RPS6KC1: variants seen among roughly 807,000 people sequenced by gnomAD.
The protein encoded by RPS6KC1 is inactive ribosomal protein S6 kinase delta-1.
A neutral mutation model predicts 103.8 loss-of-function variants in RPS6KC1; 54 were observed. That is an observed-to-expected ratio of 0.52 (90% CI 0.42 to 0.65). RPS6KC1 has a LOEUF of 0.65. Ranked by LOEUF, RPS6KC1 falls within the 30% of genes least tolerant of loss-of-function variation. The pLI, the probability that RPS6KC1 is intolerant of heterozygous loss-of-function variation, is 0.00. For synonymous variants in RPS6KC1, 439 were observed against 438.7 expected (o/e 1.00, Z -0.01); for missense variants, 1,151 against 1,253.8 (o/e 0.92, Z 1.24).
intron 6 of RPS6KC1, among the ~76,000 whole-genome samples, chr1:213,151,781 T>C (rs1487105443): frequency 5.3e-5 from 6 of 112,770 alleles, no homozygotes; most frequent in Non-Finnish European, 1.1e-4. Flanking sequence ...GGCGGGGGGC[T>C]GACCCCCCCC....
chr1:213,715,854 A>G, the RPS6KC1 span, among the ~76,000 whole-genome samples: 1 of 152,210 alleles, frequency 6.6e-6, no homozygotes, highest in African/African-American at 2.4e-5. Flanking sequence ...CTTTCCTCCT[A>G]TGAATCAGTA....
chr1:213,322,911 CTTTTTTTTTT>C, the RPS6KC1 span, among the ~76,000 whole-genome samples: 1 of 36,606 alleles, frequency 2.7e-5, no homozygotes, highest in Non-Finnish European at 4.7e-5. Context: ...CCATGCCCAG[CTTTTTTTTTT>C]TTTTTTTTTT....
At chr1:213,579,815 A>G in the RPS6KC1 span, among the ~76,000 whole-genome samples, 1 of 152,026 alleles carries the variant, frequency 6.6e-6, no homozygotes, top group South Asian at 2.1e-4. Flanking sequence ...ACATCTATTT[A>G]TAGCATGATT....
the RPS6KC1 span, among the ~76,000 whole-genome samples, chr1:213,461,665 A>C: frequency 2.0e-5 from 3 of 152,214 alleles, no homozygotes; most frequent in Non-Finnish European, 4.4e-5. Context: ...ACCTGACAAA[A>C]ATAAGCAATG....
the RPS6KC1 span, among the ~76,000 whole-genome samples, chr1:213,497,921 C>T: frequency 2.2e-3 from 337 of 151,886 alleles, 1 homozygote; most frequent in African/African-American, 7.6e-3. Context: ...GTTAAAATTC[C>T]GTGCTAATAA....
the RPS6KC1 span, among the ~76,000 whole-genome samples, chr1:213,714,354 A>G: frequency 1.3e-5 from 2 of 152,272 alleles, no homozygotes; most frequent in Non-Finnish European, 2.9e-5. Context: ...TCCAAGAAGA[A>G]GGAGAAAATG....
chr1:213,802,036 G>A, the RPS6KC1 span, among the ~76,000 whole-genome samples: 192 of 152,224 alleles, frequency 1.3e-3, 1 homozygote, highest in African/African-American at 4.3e-3. Context: ...TTCACTCATC[G>A]CCATGTCACA....
chr1:213,498,496 C>T, the RPS6KC1 span, among the ~76,000 whole-genome samples: 1 of 152,086 alleles, frequency 6.6e-6, no homozygotes, highest in Admixed American at 6.5e-5. Context: ...GCTCTGTCGC[C>T]CAGGCTGGAG....
At chr1:213,409,021 C>G in the RPS6KC1 span, among the ~76,000 whole-genome samples, 1 of 152,088 alleles carries the variant, frequency 6.6e-6, no homozygotes. Flanking sequence ...ACTTGTCCTT[C>G]AAGGCCTCTT....
At chr1:213,666,913 A>C in the RPS6KC1 span, among the ~76,000 whole-genome samples, 1 of 152,232 alleles carries the variant, frequency 6.6e-6, no homozygotes, top group African/African-American at 2.4e-5. Flanking sequence ...GTTCTTAGTG[A>C]GAAGTGTCCT....
At chr1:213,094,325 A>G (rs528133387) in intron 3 of RPS6KC1, among the ~76,000 whole-genome samples, 2 of 152,006 alleles carry the variant, frequency 1.3e-5, no homozygotes, top group Admixed American at 1.3e-4. Flanking sequence ...CATTGATGCA[A>G]TATTATAAAA....
intron 8 of RPS6KC1, among the ~76,000 whole-genome samples, chr1:213,189,117 C>T (rs912440332): frequency 6.6e-6 from 1 of 152,030 alleles, no homozygotes; most frequent in African/African-American, 2.4e-5. Flanking sequence ...ATATTTCCAA[C>T]AAATATTGCT....
chr1:213,782,349 A>G, the RPS6KC1 span, among the ~76,000 whole-genome samples: 1 of 152,154 alleles, frequency 6.6e-6, no homozygotes, highest in Admixed American at 6.5e-5. Flanking sequence ...AAAACTAGGA[A>G]ATGAAGGAGA....
the RPS6KC1 span, among the ~76,000 whole-genome samples, chr1:213,606,229 A>T: frequency 6.6e-6 from 1 of 152,164 alleles, no homozygotes; most frequent in Non-Finnish European, 1.5e-5. Context: ...TGGGTGAAAA[A>T]GAGAGGAAAA....
At chr1:213,627,372 G>A in the RPS6KC1 span, among the ~76,000 whole-genome samples, 1 of 152,058 alleles carries the variant, frequency 6.6e-6, no homozygotes, top group Admixed American at 6.5e-5. Flanking sequence ...CTGCAAACAG[G>A]GACAATTTGA....
the RPS6KC1 span, among the ~76,000 whole-genome samples, chr1:213,775,236 T>A: frequency 7.0e-4 from 107 of 152,324 alleles, no homozygotes; most frequent in South Asian, 0.011. Flanking sequence ...TACATATAAA[T>A]GTACACTTAT....
the RPS6KC1 span, among the ~76,000 whole-genome samples, chr1:213,353,366 A>C: frequency 6.6e-6 from 1 of 152,242 alleles, no homozygotes; most frequent in African/African-American, 2.4e-5. Context: ...AGCTCCTTTG[A>C]TCAATCTTCT....
the RPS6KC1 span, among the ~76,000 whole-genome samples, chr1:213,538,650 G>A: frequency 6.6e-6 from 1 of 152,202 alleles, no homozygotes; most frequent in Non-Finnish European, 1.5e-5. Context: ...GGCAGAGGGT[G>A]CAGGTAGGAA....
At chr1:213,292,780 C>G in the RPS6KC1 span, among the ~76,000 whole-genome samples, 1 of 152,152 alleles carries the variant, frequency 6.6e-6, no homozygotes, top group African/African-American at 2.4e-5. Flanking sequence ...ACTGCAGGCC[C>G]TCTTAAACTA....
Sources: allele counts gnomAD v4.1 joint callset (sites outside exome capture counted in the v4.1 genomes callset), GRCh38; gene constraint gnomAD v4.1.1; transcripts MANE v1.5; gene names NCBI Gene and HGNC (gene_info 2026-07-23, HGNC 2026-07-21).